KIF17: variants seen among roughly 807,000 people sequenced by gnomAD.
The protein encoded by KIF17 is kinesin family member 17, also known as kinesin-like protein KIF17.
KIF17 carries 80 observed loss-of-function variants against 96.8 expected under a neutral mutation model. The observed-to-expected ratio is 0.83, with a 90% confidence interval of 0.69 to 1.00. KIF17 has a LOEUF of 1.00. Among genes scored for constraint, KIF17 ranks in the 50% least tolerant of loss-of-function variants. KIF17 has a pLI of 0.00. For missense variants in KIF17, 1,280 were observed against 1,372.9 expected (o/e 0.93, Z 1.07); for synonymous variants, 567 against 587.5 (o/e 0.97, Z 0.51).
intron 11 of KIF17, among the ~76,000 whole-genome samples, chr1:20,673,636 T>C (rs544311234): frequency 6.6e-6 from 1 of 151,414 alleles, no homozygotes; most frequent in South Asian, 2.1e-4. Flanking sequence ...GTTTGAGCGA[T>C]TGTTATGCCT....
chr1:20,682,565 G>T, intron 11 of KIF17, 88 bp downstream of exon 11: 1 of 1,095,200 alleles, frequency 9.1e-7, no homozygotes. Context: ...GGGCTGCCTG[G>T]CTTCCTACAA....
intron 10 of KIF17, among the ~76,000 whole-genome samples, chr1:20,683,895 C>G (rs56662683): frequency 0.092 from 14,014 of 151,694 alleles, 806 homozygotes; most frequent in East Asian, 0.19. Flanking sequence ...CCTTTTTCAG[C>G]TGTCTCCACT....
intron 13 of KIF17, 27 bp downstream of exon 13, chr1:20,670,393 AC>A: frequency 6.2e-7 from 1 of 1,608,182 alleles, no homozygotes; most frequent in South Asian, 1.1e-5. Context: ...AGCCCCCGAC[AC>A]CCCACTCCCT....
rs1376758647 is a variant in KIF17, at chr1:20,699,975, G to A, written c.1124-1487C>T. ...GCTGCTGCGTGGAGAGTGCACTGAG[G>A]GGAACCAGGGTTAGGCACGAGGAGA... On this transcript the variant is annotated intron_variant, in intron 5 of 14. Transcript: ENST00000400463. This position sits in a 1 kb window ranked among gnomAD's most constrained non-coding sequence, Gnocchi z 4.3. Among the ~76,000 whole-genome samples the A allele has an allele frequency of 1.3e-5, 2 of 152,182 alleles. No homozygotes were observed. The highest frequency in any genetic ancestry group is 1.9e-4 in the East Asian group (1 of 5,188).
At chr1:20,682,984 T>A in intron 10 of KIF17, 100 bp from the exon 11 acceptor site, 1 of 992,878 alleles carries the variant, frequency 1.0e-6, no homozygotes, top group Non-Finnish European at 1.5e-6. Context: ...CCCCAGATCC[T>A]TCCAACAACC....
chr1:20,703,303 G>A (rs1180856312), intron 5 of KIF17, among the ~76,000 whole-genome samples: 1 of 152,092 alleles, frequency 6.6e-6, no homozygotes, highest in African/African-American at 2.4e-5. Flanking sequence ...ACAAATGGAT[G>A]GAAGAAAGGA....
At chr1:20,706,558 T>A (rs2154537353) in intron 4 of KIF17, among the ~76,000 whole-genome samples, 1 of 151,364 alleles carries the variant, frequency 6.6e-6, no homozygotes, top group African/African-American at 2.4e-5. Flanking sequence ...AACACTGCAC[T>A]TCAGCCTGGG....
At chr1:20,713,891 CA>C (rs1392800687) in intron 2 of KIF17, among the ~76,000 whole-genome samples, 1 of 152,008 alleles carries the variant, frequency 6.6e-6, no homozygotes, top group South Asian at 2.1e-4. Context: ...ACAAACAAAA[CA>C]AAACAAAAAA....
intron 5 of KIF17, among the ~76,000 whole-genome samples, chr1:20,703,001 G>C (rs536054467): frequency 1.3e-5 from 2 of 152,220 alleles, no homozygotes; most frequent in Non-Finnish European, 2.9e-5. Context: ...TAGATGGGTA[G>C]GTGAGTGGAA....
intron 11 of KIF17, among the ~76,000 whole-genome samples, chr1:20,680,668 T>C (rs184838556): frequency 2.5e-4 from 38 of 151,564 alleles, no homozygotes; most frequent in African/African-American, 7.3e-4. Context: ...TAATCCAAAA[T>C]TGAAAAACTT....
chr1:20,690,185 C>T lies in KIF17; in HGVS notation c.1381+3G>A, dbSNP rs2054012417. The T allele has an allele frequency of 6.2e-7, 1 of 1,614,070 alleles. No homozygotes were observed. The highest frequency in any genetic ancestry group is 8.5e-7 in the Non-Finnish European group (1 of 1,180,024). On this transcript the variant is annotated splice_donor_region_variant and intron_variant, in intron 7 of 14. Coordinates refer to ENST00000400463, the MANE Select transcript of KIF17 (RefSeq NM_001122819.3). The stretch of plus-strand genomic sequence containing the variant: ...ACAGCCTCGGGGGGCAAGGGGTGCC[C>T]ACCTGTCTCCTTCCGCAGGTTCTCC...
In KIF17 at chr1:20,664,443, A is replaced by C; in HGVS notation, c.*141T>G. 1.3e-6 allele frequency: 2 copies of C among 1,564,910 alleles called. No individual in the cohort carries two copies. Among genetic ancestry groups the C allele is most frequent in the Non-Finnish European group, 1.7e-6 (2 of 1,158,672 alleles). ...GGGCTCTCTGGGGAACAGGGAAGGGAATGTGTCTTCCCAGGGCTGAGGGAG... is the reference window on the plus strand; with the variant it reads ...GGGCTCTCTGGGGAACAGGGAAGGGCATGTGTCTTCCCAGGGCTGAGGGAG... On this transcript the variant is annotated 3_prime_UTR_variant, in exon 15 of 15. Transcript: ENST00000400463.
chr1:20,697,924 G>T (rs781604360), intron 6 of KIF17, among the ~76,000 whole-genome samples: 6 of 152,176 alleles, frequency 3.9e-5, no homozygotes, highest in Non-Finnish European at 8.8e-5. Flanking sequence ...ACACTCACCC[G>T]CTGGTCAAAC....
In KIF17 at chr1:20,671,950, T is replaced by G; in HGVS notation, c.2710A>C (p.Ser904Arg). The G allele has an allele frequency of 2.5e-6, 4 of 1,613,720 alleles. No individual in the cohort carries two copies. In the South Asian group the frequency reaches 4.4e-5, roughly 18 times the overall value. ...CCAAGCTCCTGACCTACTGGGAGGC[T>G]GGTTTTTGTGATGACGGGATGTGGG... is the stretch of plus-strand genomic sequence containing the variant. ...KIPHPVITKT[S>R]LPVVSTGPQN... Residue 904 changes from serine to arginine, a missense_variant, in exon 12 of 15, where the codon AGC becomes CGC. Transcript: ENST00000400463.
intron 2 of KIF17, among the ~76,000 whole-genome samples, chr1:20,715,056 T>C (rs1268056515): frequency 6.6e-6 from 1 of 152,196 alleles, no homozygotes; most frequent in African/African-American, 2.4e-5. Flanking sequence ...CAGTCTCAAC[T>C]TGGCCAATAA....
intron 3 of KIF17, 138 bp downstream of exon 3, chr1:20,713,316 A>T (rs1488780606): frequency 4.9e-6 from 2 of 410,910 alleles, no homozygotes; most frequent in South Asian, 6.3e-5. Flanking sequence ...TTTTTAATTA[A>T]AAAAAAAAAA....
chr1:20,687,647 G>C lies in KIF17; in HGVS notation c.1679C>G (p.Ser560Cys). The C allele has an allele frequency of 6.2e-7, 1 of 1,614,210 alleles. No individual in the cohort carries two copies. Among genetic ancestry groups the C allele is most frequent in the Non-Finnish European group, 8.5e-7 (1 of 1,180,042 alleles). ...AGTGGGCATGGAGACCTCCACGTTG[G>C]AGGGCTCCTCAGGCCCAGGGAAAGC... is the stretch of plus-strand genomic sequence containing the variant. ...SEAFPGPEEP[S>C]NVEVSMPTEE... Residue 560 changes from serine (S) to cysteine (C), a missense_variant, in exon 8 of 15, where the codon TCC (serine) becomes TGC (cysteine). Physicochemically the swap from Ser to Cys is moderately radical, Grantham distance 112. Transcript: ENST00000400463. This position sits in a 1 kb window ranked among gnomAD's most constrained non-coding sequence, Gnocchi z 4.4.
Position 20,684,900 on chromosome 1 carries a change from C to G in KIF17, c.2140G>C (p.Ala714Pro). The G allele has an allele frequency of 6.3e-7, 1 of 1,597,432 alleles. No individual in the cohort carries two copies. The highest frequency in any genetic ancestry group is 8.5e-7 in the Non-Finnish European group (1 of 1,172,160). ...CCCACGCTCTCCCTCTTCACACCAG[C>G]TGTGGCCGGCAGGGGCTCAGGCTGA... is the stretch of plus-strand genomic sequence containing the variant. ...VAQPEPLPAT[A>P]GVKRESVGME... Residue 714 changes from alanine to proline, a missense_variant, in exon 10 of 15, where the codon GCT becomes CCT. Physicochemically the swap from Ala to Pro is conservative, Grantham distance 27. Transcript: ENST00000400463.
At chr1:20,698,302 C>T in intron 6 of KIF17, 77 bp downstream of exon 6, 1 of 991,032 alleles carries the variant, frequency 1.0e-6, no homozygotes, top group Non-Finnish European at 1.6e-6. Flanking sequence ...GCGTTGGACC[C>T]CAGCGGCAGC....
Sources: gnomAD v4.1 joint callset for allele counts (sites outside exome capture counted in the v4.1 genomes callset) on GRCh38, gnomAD v4.1.1 for gene constraint, Gnocchi (gnomAD v3.1) non-coding constraint, MANE v1.5 for transcripts, NCBI Gene and HGNC (gene_info 2026-07-23, HGNC 2026-07-21) for gene names.